The following TSHR variants were observed in gnomAD, a reference collection of about 807,000 sequenced individuals.
The protein encoded by TSHR is thyroid stimulating hormone receptor.
TSHR carries 51 observed loss-of-function variants against 64.1 expected under a neutral mutation model. That is an observed-to-expected ratio of 0.80 (90% CI 0.64 to 1.01). TSHR has a LOEUF of 1.01. Among genes scored for constraint, TSHR ranks in the 50% least tolerant of loss-of-function variants. The probability of loss-of-function intolerance (pLI) is 0.00; values close to 1 mark genes in which losing one functional copy is unlikely to be tolerated. For synonymous variants in TSHR, 361 were observed against 361.9 expected (o/e 1.00, Z 0.03); for missense variants, 877 against 942.8 (o/e 0.93, Z 0.91).
chr14:81,025,670 T>C (rs995327130), intron 1 of TSHR, among the ~76,000 whole-genome samples: 2 of 152,218 alleles, frequency 1.3e-5, no homozygotes, highest in Non-Finnish European at 2.9e-5. Context: ...CTGAACCTTC[T>C]AGGCTTGAGT....
chr14:80,972,473 A>G (rs1347854862), intron 1 of TSHR, among the ~76,000 whole-genome samples: 1 of 152,196 alleles, frequency 6.6e-6, no homozygotes, highest in Non-Finnish European at 1.5e-5. Context: ...CACAGCTGGT[A>G]AGTGAAAGAG....
chr14:81,096,041 CAAAAAAAA>C (rs397853041), intron 6 of TSHR, among the ~76,000 whole-genome samples: 14 of 68,396 alleles, frequency 2.0e-4, no homozygotes, highest in Non-Finnish European at 3.3e-4. Context: ...GACCCTGTCT[CAAAAAAAA>C]AAAAAAAAAA....
chr14:80,970,108 G>A (rs1005999343), intron 1 of TSHR, among the ~76,000 whole-genome samples: 1 of 152,176 alleles, frequency 6.6e-6, no homozygotes, highest in Non-Finnish European at 1.5e-5. Context: ...GCTGGCATTA[G>A]CTTGTGCCAA....
At chr14:81,104,707 C>G in intron 7 of TSHR, 9 of 985,414 alleles carry the variant, frequency 9.1e-6, no homozygotes, top group Non-Finnish European at 1.1e-5. Context: ...CAGCTCATTC[C>G]TCACCACCTT....
At chr14:81,020,636 A>G (rs978500979) in intron 1 of TSHR, among the ~76,000 whole-genome samples, 1 of 152,234 alleles carries the variant, frequency 6.6e-6, no homozygotes, top group African/African-American at 2.4e-5. Context: ...CATAGAAACC[A>G]TAATAAATCA....
In TSHR at chr14:80,984,060, AGAGT is replaced by A. The variant is rs1347651646; in HGVS notation, c.170+28216_170+28219del. On this transcript the variant is annotated intron_variant, in intron 1 of 9. Coordinates refer to ENST00000298171, the MANE Select transcript of TSHR (RefSeq NM_000369.5). ...AAGATAACTAACAGTACCTAGAGAGAGAGTGAGTGTGTGTGTGTGTGAGTGTGCA... is the reference window on the plus strand; with the variant it reads ...AAGATAACTAACAGTACCTAGAGAGAGAGTGTGTGTGTGTGTGAGTGTGCA... Among the ~76,000 whole-genome samples, 7 of 147,568 alleles carry A rather than the reference AGAGT, an allele frequency of 4.7e-5. No homozygotes were observed. The South Asian group carries it at 6.2e-4, about 13-fold the overall frequency.
chr14:80,960,322 A>G (rs1187971915), intron 1 of TSHR, among the ~76,000 whole-genome samples: 1 of 152,244 alleles, frequency 6.6e-6, no homozygotes, highest in Non-Finnish European at 1.5e-5. Flanking sequence ...CAGTGGTTGT[A>G]ATCTGAATAA....
intron 1 of TSHR, among the ~76,000 whole-genome samples, chr14:81,002,560 T>C (rs1460198344): frequency 1.3e-5 from 2 of 152,262 alleles, no homozygotes; most frequent in Admixed American, 6.5e-5. Flanking sequence ...AATCCTTCAC[T>C]CTACCCAAAA....
At chr14:81,073,559 C>G (rs916108920) in intron 3 of TSHR, among the ~76,000 whole-genome samples, 2 of 152,028 alleles carry the variant, frequency 1.3e-5, no homozygotes, top group African/African-American at 4.8e-5. Context: ...TTCTAAATAA[C>G]TCTGATTTCT....
chr14:81,084,654 T>A (rs532797153), intron 3 of TSHR, among the ~76,000 whole-genome samples: 1 of 152,318 alleles, frequency 6.6e-6, no homozygotes, highest in Non-Finnish European at 1.5e-5. Context: ...GGCACAGCCA[T>A]CTTCAGCTCT....
At chr14:80,983,442 A>G in intron 1 of TSHR, 1 of 1,298,462 alleles carries the variant, frequency 7.7e-7, no homozygotes, top group Admixed American at 2.2e-5. Flanking sequence ...AGACATGATC[A>G]ATATGAAGGC....
At chr14:80,965,072 A>G (rs1177731851) in intron 1 of TSHR, among the ~76,000 whole-genome samples, 1 of 152,218 alleles carries the variant, frequency 6.6e-6, no homozygotes, top group Non-Finnish European at 1.5e-5. Flanking sequence ...GCAGCCCCTG[A>G]GCTTCCACAG....
chr14:80,973,430 T>G (rs928112130), intron 1 of TSHR, among the ~76,000 whole-genome samples: 1 of 46,464 alleles, frequency 2.2e-5, no homozygotes, highest in Non-Finnish European at 5.5e-5. Context: ...AAAAAAAAAA[T>G]CTGTGTACTT....
At chr14:81,000,579 C>T (rs544562343) in intron 1 of TSHR, among the ~76,000 whole-genome samples, 2 of 151,884 alleles carry the variant, frequency 1.3e-5, no homozygotes, top group African/African-American at 2.4e-5. Context: ...CTGGGGTATA[C>T]TCCTCAGTCT....
intron 1 of TSHR, among the ~76,000 whole-genome samples, chr14:81,017,041 G>T (rs976860629): frequency 6.6e-6 from 1 of 152,136 alleles, no homozygotes. Flanking sequence ...ACAGAACATA[G>T]GATTTAACAA....
At chr14:81,031,266 C>T (rs1293812337) in intron 1 of TSHR, among the ~76,000 whole-genome samples, 1 of 152,152 alleles carries the variant, frequency 6.6e-6, no homozygotes, top group African/African-American at 2.4e-5. Context: ...TGAAATTATA[C>T]TTTGTGATCC....
chr14:81,030,673 T>C (rs1884303986), intron 1 of TSHR, among the ~76,000 whole-genome samples: 1 of 152,194 alleles, frequency 6.6e-6, no homozygotes, highest in Non-Finnish European at 1.5e-5. Flanking sequence ...TGAATGGAAT[T>C]GAGTATGACC....
chr14:80,978,122 CA>C (rs1887978476), intron 1 of TSHR, among the ~76,000 whole-genome samples: 1 of 151,720 alleles, frequency 6.6e-6, no homozygotes, highest in Non-Finnish European at 1.5e-5. Flanking sequence ...CACACACACA[CA>C]CACACACATG....
At chr14:80,969,307 A>T (rs147118681) in intron 1 of TSHR, among the ~76,000 whole-genome samples, 28 of 152,284 alleles carry the variant, frequency 1.8e-4, no homozygotes, top group African/African-American at 6.7e-4. Flanking sequence ...CTGCCATGAA[A>T]TGCATCCCTT....
Sources: allele counts gnomAD v4.1 joint callset (sites outside exome capture counted in the v4.1 genomes callset), GRCh38; gene constraint gnomAD v4.1.1; transcripts MANE v1.5; gene names NCBI Gene and HGNC (gene_info 2026-07-23, HGNC 2026-07-21).